DENND6A: variants seen among roughly 807,000 people sequenced by gnomAD.
DENND6A encodes protein DENND6A.
In DENND6A, 43 loss-of-function variants were observed where a neutral mutation model predicts 95.5. The observed-to-expected ratio is 0.45, with a 90% CI of 0.35 to 0.58. The LOEUF (loss-of-function observed/expected upper bound fraction) is 0.58, where lower values mean the gene tolerates loss of function less well. Ranked by LOEUF, DENND6A falls within the 20% of genes least tolerant of loss-of-function variation. The probability of loss-of-function intolerance (pLI) is 0.00; values close to 1 mark genes in which losing one functional copy is unlikely to be tolerated. For missense variants in DENND6A, 574 were observed against 736.0 expected (o/e 0.78, Z 2.55); for synonymous variants, 257 against 260.4 (o/e 0.99, Z 0.13).
intron 11 of DENND6A, among the ~76,000 whole-genome samples, chr3:57,644,021 G>A (rs1243451246): frequency 3.3e-5 from 5 of 149,764 alleles, no homozygotes; most frequent in Non-Finnish European, 1.5e-5. Flanking sequence ...GTGATAGTGT[G>A]CACCTGTAAT....
Position 57,628,134 on chromosome 3 carries a change from A to G in DENND6A, c.*80T>C. The stretch of plus-strand genomic sequence containing the variant: ...TTTTCCACTCCGCTGCCACTGAGAG[A>G]TCTCCTTTGTGCGTCTGGTTGAAAT... On this transcript the variant is annotated 3_prime_UTR_variant, in exon 20 of 20. Coordinates refer to ENST00000311128, the MANE Select transcript of DENND6A (RefSeq NM_152678.3). 1 of 1,540,218 alleles carries G rather than the reference A, an allele frequency of 6.5e-7. No individual in the cohort carries two copies. Among genetic ancestry groups the G allele is most frequent in the Non-Finnish European group, 8.8e-7 (1 of 1,142,764 alleles).
intron 1 of DENND6A, among the ~76,000 whole-genome samples, chr3:57,688,024 C>G (rs1420635755): frequency 6.7e-6 from 1 of 149,550 alleles, no homozygotes; most frequent in East Asian, 2.0e-4. Context: ...GAGACAAAGT[C>G]TTACTCTGTT....
intron 9 of DENND6A, among the ~76,000 whole-genome samples, chr3:57,650,046 C>T (rs2153414327): frequency 6.6e-6 from 1 of 151,926 alleles, no homozygotes; most frequent in East Asian, 1.9e-4. Context: ...GAATGGAAAA[C>T]CAAACATCAT....
At chr3:57,687,709 G>C (rs1430459689) in intron 1 of DENND6A, among the ~76,000 whole-genome samples, 1 of 152,062 alleles carries the variant, frequency 6.6e-6, no homozygotes, top group Non-Finnish European at 1.5e-5. Context: ...GAGGCACGAG[G>C]ATCCCTTGAA....
chr3:57,672,550 A>C (rs2071636167), intron 1 of DENND6A, 112 bp from the exon 2 acceptor site: 1 of 1,078,492 alleles, frequency 9.3e-7, no homozygotes, highest in Non-Finnish European at 1.4e-6. Flanking sequence ...TGGGAGCCCA[A>C]GGCAGGCGGA....
At chr3:57,654,752 C>T (rs1374364675) in intron 9 of DENND6A, 2 of 985,286 alleles carry the variant, frequency 2.0e-6, no homozygotes, top group African/African-American at 3.5e-5. Flanking sequence ...AGCGCCTACA[C>T]TCAACTGTAT....
At chr3:57,663,602 A>G in intron 5 of DENND6A, 34 bp downstream of exon 5, 1 of 1,464,700 alleles carries the variant, frequency 6.8e-7, no homozygotes, top group Non-Finnish European at 9.3e-7. Context: ...ACAAAATAAA[A>G]AATACTTTTT....
intron 1 of DENND6A, among the ~76,000 whole-genome samples, chr3:57,692,462 C>G (rs986803018): frequency 4.6e-5 from 7 of 152,204 alleles, no homozygotes; most frequent in African/African-American, 1.7e-4. Flanking sequence ...TGCCTGCGGG[C>G]TTCTCCGGGT....
chr3:57,670,973 G>A (rs1461957059), intron 3 of DENND6A, among the ~76,000 whole-genome samples: 3 of 152,072 alleles, frequency 2.0e-5, no homozygotes, highest in Non-Finnish European at 4.4e-5. Flanking sequence ...CAAGACCTCT[G>A]CATCATTATT....
At chr3:57,661,611 T>G (rs1475013996) in intron 5 of DENND6A, 60 bp from the exon 6 acceptor site, 1 of 1,309,204 alleles carries the variant, frequency 7.6e-7, no homozygotes. Flanking sequence ...TCTTGCATAA[T>G]CAATTACTAA....
At chr3:57,656,482 T>C (rs1348026600) in intron 9 of DENND6A, among the ~76,000 whole-genome samples, 2 of 152,226 alleles carry the variant, frequency 1.3e-5, no homozygotes, top group African/African-American at 4.8e-5. Flanking sequence ...AAAGCTACTA[T>C]ATAGACATTT....
At chr3:57,690,047 GAAA>G (rs68096897) in intron 1 of DENND6A, among the ~76,000 whole-genome samples, 8 of 137,754 alleles carry the variant, frequency 5.8e-5, no homozygotes, top group East Asian at 2.2e-4. Context: ...TGTCTCTAAG[GAAA>G]AAAAAAAAAA....
intron 9 of DENND6A, among the ~76,000 whole-genome samples, chr3:57,650,254 C>T (rs2071174701): frequency 6.6e-6 from 1 of 151,452 alleles, no homozygotes; most frequent in Admixed American, 6.6e-5. Flanking sequence ...CTTATTCATG[C>T]AACCAAACAC....
intron 1 of DENND6A, among the ~76,000 whole-genome samples, chr3:57,688,823 G>A (rs1163617556): frequency 3.3e-5 from 5 of 152,042 alleles, no homozygotes; most frequent in African/African-American, 1.2e-4. Context: ...AAGTTTATTT[G>A]AGGTTTCTGT....
chr3:57,638,460 C>A (rs548779069), intron 12 of DENND6A, among the ~76,000 whole-genome samples: 8 of 151,636 alleles, frequency 5.3e-5, no homozygotes, highest in African/African-American at 1.9e-4. Flanking sequence ...GAGTTCGAGA[C>A]CAGCCTGGCC....
chr3:57,646,288 C>A (rs905573203), intron 10 of DENND6A, 28 bp downstream of exon 10: 16 of 1,578,018 alleles, frequency 1.0e-5, no homozygotes, highest in African/African-American at 1.4e-5. Flanking sequence ...AAAAAAAAAA[C>A]CCAGAAATAG....
intron 6 of DENND6A, 106 bp from the exon 7 acceptor site, chr3:57,660,945 A>C (rs1229076830): frequency 5.2e-6 from 5 of 967,654 alleles, no homozygotes; most frequent in Non-Finnish European, 7.2e-6. Context: ...CAGAAAAAAT[A>C]TACCTGGAAG....
intron 5 of DENND6A, among the ~76,000 whole-genome samples, chr3:57,663,209 G>A (rs530806552): frequency 6.8e-6 from 1 of 146,186 alleles, no homozygotes; most frequent in South Asian, 2.2e-4. Flanking sequence ...GCTCACACCT[G>A]TAATTCCAGC....
chr3:57,656,809 G>T (rs1007267007), intron 9 of DENND6A, among the ~76,000 whole-genome samples: 4 of 151,970 alleles, frequency 2.6e-5, no homozygotes, highest in Non-Finnish European at 5.9e-5. Context: ...ATACAAAAAT[G>T]TAGCCAGACA....
Sources: allele counts gnomAD v4.1 joint callset (sites outside exome capture counted in the v4.1 genomes callset), GRCh38; gene constraint gnomAD v4.1.1; transcripts MANE v1.5; gene names NCBI Gene and HGNC (gene_info 2026-07-23, HGNC 2026-07-21).